Variants in HRH3 observed in about 807,000 individuals in gnomAD.
HRH3 encodes histamine H3 receptor.
HRH3 carries 13 observed loss-of-function variants against 21.6 expected under a neutral mutation model. That is an observed-to-expected ratio of 0.60 (90% CI 0.39 to 0.96). The LOEUF (loss-of-function observed/expected upper bound fraction) is 0.96. HRH3 is among the 40% of genes least tolerant of loss of function. The pLI, the probability that HRH3 is intolerant of heterozygous loss-of-function variation, is 0.00. For missense variants in HRH3, 461 were observed against 622.7 expected (o/e 0.74, Z 2.76); for synonymous variants, 276 against 290.3 (o/e 0.95, Z 0.50).
Position 62,220,057 on chromosome 20 carries a change from C to G in HRH3, c.-87G>C. ...CCGGGAGGGGCCCCGGCCCGGGAGC[C>G]TCGTCTTTGCGGGCCCTTGGCCGGG... On this transcript the variant is annotated 5_prime_UTR_variant, in exon 1 of 3. Coordinates refer to ENST00000340177, the MANE Select transcript of HRH3 (RefSeq NM_007232.3). 2 of 972,490 alleles carry G rather than the reference C, an allele frequency of 2.1e-6. No individual in the cohort carries two copies. The highest frequency in any genetic ancestry group is 2.4e-6 in the Non-Finnish European group (2 of 819,518). The allele number at this position is 972,490 out of a possible 1,614,324, so 60.2% of individuals were successfully genotyped here. A position where few individuals can be genotyped will look rare whatever the true frequency, so the allele number is the denominator to read the frequency against.
At position 62,215,809 on chromosome 20, in the gene HRH3, T is replaced by A. The variant is rs1978511666; in HGVS notation, c.*197A>T. 1 of 606,682 alleles carries A rather than the reference T, an allele frequency of 1.6e-6. No individual in the cohort carries two copies. The highest frequency in any genetic ancestry group is 1.9e-5 in the African/African-American group (1 of 53,934). 37.6% of individuals were successfully genotyped at this position (606,682 alleles called of 1,614,324 possible). On this transcript the variant is annotated 3_prime_UTR_variant, in exon 3 of 3. Transcript: ENST00000340177. ...GCAGGGCCGGCCACCCAGCCTCCAG[T>A]CCAGCCAGTGAGGGGCCCTCTGGCC...
In HRH3 at chr20:62,218,281, T is replaced by A. The variant is rs1822527291; in HGVS notation, c.417+210A>T. Among the ~76,000 whole-genome samples, 1 of 152,132 alleles carries A rather than the reference T, an allele frequency of 6.6e-6. No homozygotes were observed. The highest frequency in any genetic ancestry group is 1.5e-5 in the Non-Finnish European group (1 of 68,016). ...GGACCATCTGCATCCAGATTCCCCG[T>A]CTCCTGCCTGGGCCAGGTCAGTCTG... On this transcript the variant is annotated intron_variant, in intron 2 of 2. Coordinates refer to ENST00000340177, the MANE Select transcript of HRH3 (RefSeq NM_007232.3). The surrounding 1 kb of genome is among the most constrained non-coding windows in gnomAD (Gnocchi z 5.6).
At chr20:62,217,358 G>A (rs1225606849) in intron 2 of HRH3, among the ~76,000 whole-genome samples, 1 of 152,220 alleles carries the variant, frequency 6.6e-6, no homozygotes, top group Non-Finnish European at 1.5e-5. Flanking sequence ...GGTTGGGGTG[G>A]GAGGTCCAGC....
chr20:62,218,413 GT>G lies in HRH3; in HGVS notation c.417+77del. On this transcript the variant is annotated intron_variant, in intron 2 of 2. Transcript: ENST00000340177. The surrounding 1 kb of genome is among the most constrained non-coding windows in gnomAD (Gnocchi z 5.6). ...TTCTGCCCACAACTCAGAAGTGGCC[GT>G]CCCCACCCAGGTGCCTCCCATGGGC... is the stretch of plus-strand genomic sequence containing the variant. 1.3e-6 allele frequency: 2 copies of G among 1,495,032 alleles called. No individual in the cohort carries two copies. Among genetic ancestry groups the G allele is most frequent in the Non-Finnish European group, 1.8e-6 (2 of 1,108,660 alleles). The allele number at this position is 1,495,032 out of a possible 1,614,324, so 92.6% of individuals were successfully genotyped here.
At position 62,218,717 on chromosome 20, in the gene HRH3, T is replaced by G. The variant is rs1978683601; in HGVS notation, c.251-60A>C. On this transcript the variant is annotated intron_variant, in intron 1 of 2. Coordinates refer to ENST00000340177, the MANE Select transcript of HRH3 (RefSeq NM_007232.3). This position sits in a 1 kb window ranked among gnomAD's most constrained non-coding sequence, Gnocchi z 5.6. ...CCAGGGGCCAGGGGACAGACGGACC[T>G]AAGCGCAGACACCGGCGGGACCTGG... 1 of 1,546,986 alleles carries G rather than the reference T, an allele frequency of 6.5e-7. No homozygotes were observed. Among genetic ancestry groups the G allele is most frequent in the Non-Finnish European group, 8.8e-7 (1 of 1,133,054 alleles).
Position 62,218,949 on chromosome 20 carries a change from G to C in HRH3, c.251-292C>G, listed in dbSNP as rs1270592008. 6.6e-6 allele frequency among the ~76,000 whole-genome samples: 1 copy of C among 151,792 alleles called. No homozygotes were observed. Among genetic ancestry groups the C allele is most frequent in the South Asian group, 2.1e-4 (1 of 4,798 alleles). On this transcript the variant is annotated intron_variant, in intron 1 of 2. Transcript: ENST00000340177. This position sits in a 1 kb window ranked among gnomAD's most constrained non-coding sequence, Gnocchi z 5.6. ...ACAAGACCCCCGAGAGCCTGGAGTC[G>C]GGATTCCCTGGACTTCTGTCCAGCC...
Position 62,218,362 on chromosome 20 carries a change from A to G in HRH3, c.417+129T>C, listed in dbSNP as rs1978666228. On this transcript the variant is annotated intron_variant, in intron 2 of 2. Transcript: ENST00000340177. This position sits in a 1 kb window ranked among gnomAD's most constrained non-coding sequence, Gnocchi z 5.6. ...GCCGTCGAGTGGCCCATGTGTCAGCAGCAAAGCCAGTGGGACCAAGCCCAC... is the reference window on the plus strand; with the variant it reads ...GCCGTCGAGTGGCCCATGTGTCAGCGGCAAAGCCAGTGGGACCAAGCCCAC... 9.2e-7 allele frequency: 1 copy of G among 1,081,304 alleles called. No individual in the cohort carries two copies. Among genetic ancestry groups the G allele is most frequent in the Non-Finnish European group, 1.3e-6 (1 of 764,018 alleles). 67.0% of individuals were successfully genotyped at this position (1,081,304 alleles called of 1,614,324 possible).
In HRH3 at chr20:62,220,125, G is replaced by T; in HGVS notation, c.-155C>A. ...CGCCCAGCGCATGGTCCGCGGGGCC[G>T]GGGCCGGGGCCAGAGCAGGCGGTGC... On this transcript the variant is annotated 5_prime_UTR_variant, in exon 1 of 3. Coordinates refer to ENST00000340177, the MANE Select transcript of HRH3 (RefSeq NM_007232.3). 1.8e-6 allele frequency: 1 copy of T among 565,942 alleles called. No individual in the cohort carries two copies. Among genetic ancestry groups the T allele is most frequent in the Non-Finnish European group, 2.2e-6 (1 of 447,968 alleles). The allele number at this position is 565,942 out of a possible 1,614,324, so 35.1% of individuals were successfully genotyped here.
chr20:62,216,387 T>A lies in HRH3; in HGVS notation c.957A>T (p.Ser319=), dbSNP rs1183454300. The A allele has an allele frequency of 1.3e-6, 2 of 1,552,534 alleles. No individual in the cohort carries two copies. Among genetic ancestry groups the A allele is most frequent in the East Asian group, 2.4e-5 (1 of 41,282 alleles). Residue 319 remains serine (S), a synonymous_variant, in exon 3 of 3, where the codon TCA becomes TCT. Transcript: ENST00000340177. ...CCGACGGCTTGGAGCCCCTCTTGAG[T>A]GAGCGCGGCCTCTCAGTGCCCCTCG... is the stretch of plus-strand genomic sequence containing the variant. The part of the protein sequence containing the change: ...SSSRGTERPR[S]LKRGSKPSAS...
chr20:62,219,913 C>T lies in HRH3; in HGVS notation c.58G>A (p.Ala20Thr). ...LNASGALAGE[A>T]AAAGGARGFS... ...CCGCGCGCCCCGCCCGCCGCCGCCG[C>T]CTCGCCCGCCAGCGCCCCCGAAGCG... is the stretch of plus-strand genomic sequence containing the variant. The change falls in exon 1 of 3, where the codon GCG becomes ACG. Residue 20 changes from alanine (A) to threonine (T), a missense_variant. Ala to Thr is a moderately conservative substitution (Grantham distance 58). Coordinates refer to ENST00000340177, the MANE Select transcript of HRH3 (RefSeq NM_007232.3). The surrounding 1 kb of genome is among the most constrained non-coding windows in gnomAD (Gnocchi z 8.7). The T allele has an allele frequency of 7.6e-7, 1 of 1,321,292 alleles. No homozygotes were observed. Among genetic ancestry groups the T allele is most frequent in the Non-Finnish European group, 9.6e-7 (1 of 1,043,098 alleles). 81.8% of individuals were successfully genotyped at this position (1,321,292 alleles called of 1,614,324 possible).
In HRH3 at chr20:62,216,421, C is replaced by T; in HGVS notation, c.923G>A (p.Gly308Asp). ...CCTCTCAGTGCCCCTCGAGGAGCTG[C>T]CGGAGCTGGAGGTGGGTGAAGCCAC... ...GSVASPTSSS[G>D]SSSRGTERPR... The change falls in exon 3 of 3, where the codon GGC becomes GAC. Residue 308 changes from glycine to aspartate, a missense_variant. Physicochemically the swap from Gly to Asp is moderately conservative, Grantham distance 94. This residue lies in a region of HRH3 where 163 missense variants were observed against 139.4 expected (regional missense o/e 1.17). Transcript: ENST00000340177. 1 of 1,536,462 alleles carries T rather than the reference C, an allele frequency of 6.5e-7. No homozygotes were observed. Among genetic ancestry groups the T allele is most frequent in the Non-Finnish European group, 8.8e-7 (1 of 1,136,620 alleles).
chr20:62,219,248 G>T lies in HRH3; in HGVS notation c.250+473C>A, dbSNP rs1978710386. On this transcript the variant is annotated intron_variant, in intron 1 of 2. Transcript: ENST00000340177. The surrounding 1 kb of genome is among the most constrained non-coding windows in gnomAD (Gnocchi z 8.7). ...CGCGTGCCCCGCCCCCCAGCCGGCA[G>T]CAGAGCCTGGACACGTGAGAGCACG... 7.1e-6 allele frequency among the ~76,000 whole-genome samples: 1 copy of T among 141,698 alleles called. No homozygotes were observed. The allele number at this position is 141,698 out of a possible 152,430, so 93.0% of individuals were successfully genotyped here.
At position 62,215,619 on chromosome 20, in the gene HRH3, C is replaced by A; in HGVS notation, c.*387G>T. ...GTGTGCAGGGGTGTGCAGGTGTGTG[C>A]ACGTGCAGAGGCAAACTGCTAGGGC... is the stretch of plus-strand genomic sequence containing the variant. On this transcript the variant is annotated 3_prime_UTR_variant, in exon 3 of 3. Transcript: ENST00000340177. 2.6e-6 allele frequency: 1 copy of A among 382,418 alleles called. No homozygotes were observed. The highest frequency in any genetic ancestry group is 5.1e-6 in the Non-Finnish European group (1 of 196,080). 23.7% of individuals were successfully genotyped at this position (382,418 alleles called of 1,614,324 possible).
chr20:62,217,234 C>T (rs1040787480), intron 2 of HRH3, among the ~76,000 whole-genome samples: 4 of 152,202 alleles, frequency 2.6e-5, no homozygotes, highest in African/African-American at 9.6e-5. Flanking sequence ...GGGTCCTGTC[C>T]TTGGCCCCTG....
Position 62,215,881 on chromosome 20 carries a change from G to C in HRH3, c.*125C>G. The C allele has an allele frequency of 1.0e-6, 1 of 968,942 alleles. No homozygotes were observed. Among genetic ancestry groups the C allele is most frequent in the Non-Finnish European group, 1.5e-6 (1 of 673,870 alleles). The allele number at this position is 968,942 out of a possible 1,614,324, so 60.0% of individuals were successfully genotyped here. ...GGCAGGGTGGCTGCCGTGGCATTAA[G>C]AGAGGGCCACAGACACGGCGGGGCT... On this transcript the variant is annotated 3_prime_UTR_variant, in exon 3 of 3. Coordinates refer to ENST00000340177, the MANE Select transcript of HRH3 (RefSeq NM_007232.3).
rs368876464 is a variant in HRH3 at position 62,216,605 on chromosome 20, C to T, written c.739G>A (p.Glu247Lys). The T allele has an allele frequency of 1.3e-5, 21 of 1,609,094 alleles. No homozygotes were observed. Among genetic ancestry groups the T allele is most frequent in the Admixed American group, 1.0e-4 (6 of 59,550 alleles). ...GGTGGGGGTGGTGAGGGCTGGGCCT[C>T]GGGAGGGGGCTCGGGGCCGGCTGCC... is the stretch of plus-strand genomic sequence containing the variant. ...REAAGPEPPP[E>K]AQPSPPPPPG... The change falls in exon 3 of 3, where the codon GAG (glutamate) becomes AAG (lysine). Residue 247 changes from glutamate to lysine, a missense_variant. By Grantham distance (56) the Glu-to-Lys change is moderately conservative. Transcript: ENST00000340177.
chr20:62,220,000 G>A lies in HRH3; in HGVS notation c.-30C>T. ...CCGCAGGCTCACGCGGCTCCGGGAC[G>A]CGGGGCAGGGCGCCGGCCGAGAGCT... On this transcript the variant is annotated 5_prime_UTR_variant, in exon 1 of 3. Coordinates refer to ENST00000340177, the MANE Select transcript of HRH3 (RefSeq NM_007232.3). The surrounding 1 kb of genome is among the most constrained non-coding windows in gnomAD (Gnocchi z 8.7). 1 of 997,122 alleles carries A rather than the reference G, an allele frequency of 1.0e-6. No individual in the cohort carries two copies. The highest frequency in any genetic ancestry group is 4.6e-5 in the South Asian group (1 of 21,734). 61.8% of individuals were successfully genotyped at this position (997,122 alleles called of 1,614,324 possible). A position where few individuals can be genotyped will look rare whatever the true frequency, so the allele number is the denominator to read the frequency against.
At position 62,215,269 on chromosome 20, in the gene HRH3, C is replaced by G. The variant is rs201989508; in HGVS notation, c.*737G>C. ...GCAGAAGCAGCTGGCACAGCTCAGC[C>G]GGAAGCCTTAGCGGAGGGAGGAGGG... On this transcript the variant is annotated 3_prime_UTR_variant, in exon 3 of 3. Coordinates refer to ENST00000340177, the MANE Select transcript of HRH3 (RefSeq NM_007232.3). 1 of 450,136 alleles carries G rather than the reference C, an allele frequency of 2.2e-6. No individual in the cohort carries two copies. Among genetic ancestry groups the G allele is most frequent in the Non-Finnish European group, 4.5e-6 (1 of 222,504 alleles). 27.9% of individuals were successfully genotyped at this position (450,136 alleles called of 1,614,324 possible). A position where few individuals can be genotyped will look rare whatever the true frequency, so the allele number is the denominator to read the frequency against.
rs1249537571 is a variant in HRH3 at position 62,219,898 on chromosome 20, C to G, written c.73G>C (p.Gly25Arg). Residue 25 changes from glycine (G) to arginine (R), a missense_variant, in exon 1 of 3, where the codon GGG becomes CGG. Physicochemically the swap from Gly to Arg is moderately radical, Grantham distance 125. Transcript: ENST00000340177. This position sits in a 1 kb window ranked among gnomAD's most constrained non-coding sequence, Gnocchi z 8.7. The part of the protein sequence containing the change: ...ALAGEAAAAG[G>R]ARGFSAAWTA... ...CAGGCTGCCGAGAAGCCGCGCGCCCCGCCCGCCGCCGCCGCCTCGCCCGCC... is the reference window on the plus strand; with the variant it reads ...CAGGCTGCCGAGAAGCCGCGCGCCCGGCCCGCCGCCGCCGCCTCGCCCGCC... 4.4e-6 allele frequency: 6 copies of G among 1,364,414 alleles called. No individual in the cohort carries two copies. Among genetic ancestry groups the G allele is most frequent in the Non-Finnish European group, 5.6e-6 (6 of 1,064,736 alleles). The allele number at this position is 1,364,414 out of a possible 1,614,324, so 84.5% of individuals were successfully genotyped here.
Sources: gnomAD v4.1 joint callset for allele counts (sites outside exome capture counted in the v4.1 genomes callset) on GRCh38, gnomAD v4.1.1 for gene constraint, gnomAD v4.1.1 regional missense constraint, Gnocchi (gnomAD v3.1) non-coding constraint, MANE v1.5 for transcripts, NCBI Gene and HGNC (gene_info 2026-07-23, HGNC 2026-07-21) for gene names.